Variants in ELAPOR1 observed in about 807,000 individuals in gnomAD.
ELAPOR1 encodes the protein endosome/lysosome-associated apoptosis and autophagy regulator 1.
Under a neutral mutation model 119.7 loss-of-function variants are expected in ELAPOR1, and 77 were observed. The ratio of observed to expected loss-of-function variants is 0.64; its 90% CI spans 0.54 to 0.78. The LOEUF is 0.78. Among genes scored for constraint, ELAPOR1 ranks in the 30% least tolerant of loss-of-function variants. The probability of loss-of-function intolerance (pLI) is 0.00; values close to 1 mark genes in which losing one functional copy is unlikely to be tolerated. For synonymous variants in ELAPOR1, 481 were observed against 487.2 expected (o/e 0.99, Z 0.17); for missense variants, 1,115 against 1,270.4 (o/e 0.88, Z 1.86).
intron 7 of ELAPOR1, among the ~76,000 whole-genome samples, chr1:109,178,157 C>T (rs1254213306): frequency 6.6e-6 from 1 of 151,890 alleles, no homozygotes; most frequent in Non-Finnish European, 1.5e-5. Context: ...TTACAGGTGC[C>T]TGCCACTATG....
chr1:109,184,371 C>T (rs1558058869), intron 7 of ELAPOR1, among the ~76,000 whole-genome samples: 1 of 151,868 alleles, frequency 6.6e-6, no homozygotes, highest in Non-Finnish European at 1.5e-5. Context: ...AACTCCATCT[C>T]AATAATAATA....
intron 11 of ELAPOR1, among the ~76,000 whole-genome samples, 157 bp downstream of exon 11, chr1:109,189,839 C>A (rs1400158003): frequency 2.6e-5 from 4 of 152,096 alleles, no homozygotes; most frequent in Admixed American, 2.0e-4. Flanking sequence ...CCGAGGTAAC[C>A]CAATGCTATC....
At chr1:109,160,390 T>A (rs113084593) in intron 1 of ELAPOR1, among the ~76,000 whole-genome samples, 3 of 152,272 alleles carry the variant, frequency 2.0e-5, no homozygotes, top group Non-Finnish European at 2.9e-5. Context: ...ACCATTTTTT[T>A]AATGTGTCAT....
rs1654455670 is a variant in ELAPOR1, at chr1:109,205,827, C to A, written c.*2815C>A. On this transcript the variant is annotated 3_prime_UTR_variant, in exon 22 of 22. Transcript: ENST00000369939. The stretch of plus-strand genomic sequence containing the variant: ...GGTCTGCCCTGTGACCTGTCAGGAA[C>A]TCCTGAGTTACGCTACTGGGGTCAC... 1 of 152,208 alleles carries A rather than the reference C, an allele frequency of 6.6e-6. No homozygotes were observed. Among genetic ancestry groups the A allele is most frequent in the South Asian group, 2.1e-4 (1 of 4,832 alleles). The allele number at this position is 152,208 out of a possible 1,614,324, so 9.4% of individuals were successfully genotyped here.
At chr1:109,176,827 C>T (rs1355330172) in intron 7 of ELAPOR1, among the ~76,000 whole-genome samples, 1 of 139,508 alleles carries the variant, frequency 7.2e-6, no homozygotes, top group African/African-American at 2.7e-5. Context: ...ATGCTGCCTT[C>T]AAGCATCTGT....
intron 3 of ELAPOR1, among the ~76,000 whole-genome samples, chr1:109,171,423 A>T (rs190622124): frequency 9.5e-4 from 145 of 152,070 alleles, no homozygotes; most frequent in African/African-American, 3.4e-3. Flanking sequence ...GTGGTGGTGC[A>T]TGCCTGTAAT....
intron 1 of ELAPOR1, among the ~76,000 whole-genome samples, chr1:109,129,903 C>T (rs1189687321): frequency 6.6e-6 from 1 of 152,212 alleles, no homozygotes; most frequent in East Asian, 1.9e-4. Flanking sequence ...AAATTTATTT[C>T]CTTGTGTTCT....
At chr1:109,147,072 A>ATT (rs35132655) in intron 1 of ELAPOR1, among the ~76,000 whole-genome samples, 2,126 of 141,226 alleles carry the variant, frequency 0.015, 23 homozygotes, top group Middle Eastern at 0.021. Context: ...CGCCTGGCTA[A>ATT]TTTTTTTTTT....
intron 8 of ELAPOR1, chr1:109,187,518 G>C (rs1653129337): frequency 1.0e-6 from 1 of 1,000,748 alleles, no homozygotes. Context: ...CAACCTATAA[G>C]GGCACGTTTT....
intron 1 of ELAPOR1, among the ~76,000 whole-genome samples, chr1:109,127,334 C>T (rs1648847779): frequency 6.8e-6 from 1 of 148,120 alleles, no homozygotes; most frequent in Admixed American, 6.6e-5. Flanking sequence ...CCTGCCTCAG[C>T]CTCCCAAGTA....
At chr1:109,200,362 AGTGCATGGTTTG>A in intron 20 of ELAPOR1, 125 bp downstream of exon 20, 1 of 1,144,690 alleles carries the variant, frequency 8.7e-7, no homozygotes, top group Non-Finnish European at 1.2e-6. Flanking sequence ...TGACTTATCC[AGTGCATGGTTTG>A]GTTATCCTGA....
chr1:109,196,884 C>T (rs929765719), intron 15 of ELAPOR1, among the ~76,000 whole-genome samples: 3 of 152,158 alleles, frequency 2.0e-5, no homozygotes, highest in Non-Finnish European at 4.4e-5. Flanking sequence ...GGTTTCACCA[C>T]GTTGGCCAGG....
chr1:109,167,702 C>T (rs905627467), intron 3 of ELAPOR1, among the ~76,000 whole-genome samples: 2 of 152,080 alleles, frequency 1.3e-5, no homozygotes, highest in Admixed American at 6.6e-5. Context: ...TCAACCTCCC[C>T]GGGCTGAAGC....
intron 1 of ELAPOR1, among the ~76,000 whole-genome samples, chr1:109,135,246 CTT>C (rs201749833): frequency 1.3e-5 from 2 of 149,540 alleles, no homozygotes; most frequent in East Asian, 3.9e-4. Flanking sequence ...ATTCAAATTT[CTT>C]TTTTTTTTCT....
At position 109,162,018 on chromosome 1, in the gene ELAPOR1, A is replaced by G. The variant is rs768429864; in HGVS notation, c.274+4A>G. 5.0e-6 allele frequency: 8 copies of G among 1,609,992 alleles called. No homozygotes were observed. The South Asian group carries it at 7.7e-5, about 15-fold the overall frequency. ...CCCATCAAGGGCACCGAGTGCTGTA[A>G]GCAGCTATCCTGCTCAGGGCCTCCC... On this transcript the variant is annotated splice_donor_region_variant and intron_variant, in intron 2 of 21. Transcript: ENST00000369939.
chr1:109,127,201 C>CT (rs922372166), intron 1 of ELAPOR1, among the ~76,000 whole-genome samples: 18 of 146,208 alleles, frequency 1.2e-4, no homozygotes, highest in African/African-American at 1.8e-4. Flanking sequence ...TGTTCTAATT[C>CT]TTTTTTTTCT....
chr1:109,167,135 T>C (rs528290118), intron 3 of ELAPOR1, among the ~76,000 whole-genome samples: 1 of 152,350 alleles, frequency 6.6e-6, no homozygotes, highest in Admixed American at 6.5e-5. Flanking sequence ...ATTTGAGTCC[T>C]AACTGAGAAT....
chr1:109,138,834 C>CAAAAAAAAAAAAAAAAAAAAAAAAAAAAA (rs150398954), intron 1 of ELAPOR1, among the ~76,000 whole-genome samples: 2 of 107,340 alleles, frequency 1.9e-5, no homozygotes, highest in African/African-American at 3.8e-5. Flanking sequence ...AACTCCATCT[C>CAAAAAAAAAAAAAAAAAAAAAAAAAAAAA]AAAAAAAAAA....
chr1:109,138,257 G>C (rs1466869190), intron 1 of ELAPOR1, among the ~76,000 whole-genome samples: 1 of 152,190 alleles, frequency 6.6e-6, no homozygotes, highest in African/African-American at 2.4e-5. Context: ...GATGGCAGAG[G>C]CTGGGTGAGA....
Sources: allele counts gnomAD v4.1 joint callset (sites outside exome capture counted in the v4.1 genomes callset), GRCh38; gene constraint gnomAD v4.1.1; transcripts MANE v1.5; gene names NCBI Gene and HGNC (gene_info 2026-07-23, HGNC 2026-07-21).